The following LIMCH1 variants were observed in gnomAD, a reference collection of about 807,000 sequenced individuals.
LIMCH1 encodes LIM and calponin homology domains 1.
LIMCH1 carries 113 observed loss-of-function variants against 176.5 expected under a neutral mutation model. The ratio of observed to expected loss-of-function variants is 0.64; its 90% CI spans 0.55 to 0.75. The LOEUF (loss-of-function observed/expected upper bound fraction) is 0.75, where lower values mean the gene tolerates loss of function less well. Among genes scored for constraint, LIMCH1 ranks in the 30% least tolerant of loss-of-function variants. The probability of loss-of-function intolerance (pLI) is 0.00; values close to 1 mark genes in which losing one functional copy is unlikely to be tolerated. For missense variants in LIMCH1, 1,674 were observed against 1,814.9 expected, an observed-to-expected ratio of 0.92 and a Z score of 1.41; for synonymous variants, 619 against 645.9, an observed-to-expected ratio of 0.96 and a Z score of 0.63.
intron 1 of LIMCH1, among the ~76,000 whole-genome samples, chr4:41,370,425 A>G (rs1444350055): frequency 1.3e-5 from 2 of 152,192 alleles, no homozygotes; most frequent in African/African-American, 2.4e-5. Flanking sequence ...GCTGGTATCC[A>G]TGGTATCAAT....
intron 1 of LIMCH1, among the ~76,000 whole-genome samples, chr4:41,492,488 C>G (rs960625981): frequency 6.6e-6 from 1 of 152,156 alleles, no homozygotes; most frequent in Non-Finnish European, 1.5e-5. Flanking sequence ...TTTTGGCTCC[C>G]ATGAATTCTT....
rs150032483 is a variant in LIMCH1, at chr4:41,624,435, G to GC, written c.726-2272dup. Among the ~76,000 whole-genome samples the GC allele has an allele frequency of 1.1e-3, 171 of 152,172 alleles. No homozygotes were observed. The East Asian group carries it at 0.03, about 27-fold the overall frequency. ...CCTTACCAAACGCCGGTTCACCGTG[G>GC]CTGCTGAACAGATCCTTGGGTATCG... On this transcript the variant is annotated intron_variant, in intron 7 of 31. Transcript: ENST00000503057.
At chr4:41,370,523 A>T (rs1243641513) in intron 1 of LIMCH1, among the ~76,000 whole-genome samples, 1 of 150,684 alleles carries the variant, frequency 6.6e-6, no homozygotes, top group Non-Finnish European at 1.5e-5. Context: ...ATGGAAAATT[A>T]AAAAAAAAGT....
intron 2 of LIMCH1, among the ~76,000 whole-genome samples, chr4:41,502,935 A>ACACACACACACACG (rs1202252006): frequency 1.8e-3 from 271 of 151,854 alleles, no homozygotes; most frequent in African/African-American, 6.2e-3. Flanking sequence ...ACACACACAC[A>ACACACACACACACG]CACCCCAGGT....
In LIMCH1 at chr4:41,613,562, C is replaced by G. The variant is rs141374102; in HGVS notation, c.106C>G (p.Arg36Gly). The change falls in exon 5 of 32, where the codon CGC becomes GGC. Residue 36 changes from arginine (R) to glycine (G), a missense_variant. By Grantham distance (125) the Arg-to-Gly change is moderately radical. Transcript: ENST00000503057. ...GCGCAGCGACTCCCTCTCTCCTCCT[C>G]GCCACGGCAGAGATGATTCCTTCGA... ...SERSDSLSPP[R>G]HGRDDSFDSL... is the part of the protein sequence containing the mutation. 1.2e-6 allele frequency: 2 copies of G among 1,614,136 alleles called. No individual in the cohort carries two copies. Among genetic ancestry groups the G allele is most frequent in the South Asian group, 1.1e-5 (1 of 91,064 alleles).
intron 1 of LIMCH1, among the ~76,000 whole-genome samples, chr4:41,486,973 TACATAC>T (rs2069691173): frequency 1.0e-4 from 9 of 86,814 alleles, no homozygotes; most frequent in Non-Finnish European, 1.6e-4. Flanking sequence ...CACACACACA[TACATAC>T]ACACACACAC....
intron 13 of LIMCH1, among the ~76,000 whole-genome samples, chr4:41,635,040 A>G (rs1264441111): frequency 1.3e-5 from 2 of 152,202 alleles, no homozygotes; most frequent in African/African-American, 2.4e-5. Flanking sequence ...TTTATTCCTT[A>G]CACTACCTTT....
rs373388442 is a variant in LIMCH1, at chr4:41,524,010, G to T, written c.168-399G>T. 9.2e-5 allele frequency among the ~76,000 whole-genome samples: 14 copies of T among 152,282 alleles called. No individual in the cohort carries two copies. The East Asian group carries it at 2.7e-3, about 29-fold the overall frequency. ...TTTGTAAAGATAGAAACTGGTCTTT[G>T]AATTTAGTGCATCCCTGGAGAGATC... On this transcript the variant is annotated intron_variant, in intron 2 of 26. Transcript: ENST00000313860.
intron 1 of LIMCH1, among the ~76,000 whole-genome samples, chr4:41,541,214 C>G (rs377507539): frequency 6.6e-6 from 1 of 152,096 alleles, no homozygotes; most frequent in Non-Finnish European, 1.5e-5. Flanking sequence ...ATGAAGGAAC[C>G]AAAGCAGTTG....
At chr4:41,438,979 T>C (rs1448643368) in intron 1 of LIMCH1, among the ~76,000 whole-genome samples, 2 of 152,108 alleles carry the variant, frequency 1.3e-5, no homozygotes, top group East Asian at 3.9e-4. Context: ...ATAATGCTGC[T>C]TTGGTTTAAG....
At chr4:41,651,152 A>T (rs2094281779) in intron 18 of LIMCH1, among the ~76,000 whole-genome samples, 1 of 152,114 alleles carries the variant, frequency 6.6e-6, no homozygotes, top group African/African-American at 2.4e-5. Flanking sequence ...GACTACAGGC[A>T]TGCACAAGTG....
At chr4:41,528,091 G>T (rs1223965074) in intron 3 of LIMCH1, among the ~76,000 whole-genome samples, 1 of 151,852 alleles carries the variant, frequency 6.6e-6, no homozygotes, top group Non-Finnish European at 1.5e-5. Flanking sequence ...ATCTTAGATG[G>T]CAAATATATA....
intron 1 of LIMCH1, among the ~76,000 whole-genome samples, chr4:41,465,018 A>G (rs2065918199): frequency 6.6e-6 from 1 of 152,032 alleles, no homozygotes; most frequent in African/African-American, 2.4e-5. Context: ...TTTCCTGCCT[A>G]CCTTTTTTGG....
chr4:41,612,669 G>T (rs1017328367), intron 4 of LIMCH1: 7 of 702,056 alleles, frequency 1.0e-5, no homozygotes, highest in African/African-American at 3.5e-5. Context: ...TGCTGCTTGT[G>T]CTGGAAAGAA....
At chr4:41,549,392 G>A (rs540926522) in intron 1 of LIMCH1, among the ~76,000 whole-genome samples, 3 of 152,284 alleles carry the variant, frequency 2.0e-5, no homozygotes, top group South Asian at 2.1e-4. Flanking sequence ...TGTGAAGTCC[G>A]TGCTCATGGG....
chr4:41,644,036 C>T (rs1276351237), intron 14 of LIMCH1, among the ~76,000 whole-genome samples: 2 of 152,180 alleles, frequency 1.3e-5, no homozygotes, highest in African/African-American at 4.8e-5. Context: ...AGCCAGCTTT[C>T]TACACAAAGA....
intron 1 of LIMCH1, among the ~76,000 whole-genome samples, chr4:41,574,814 T>G (rs1006939991): frequency 2.0e-4 from 30 of 152,304 alleles, no homozygotes; most frequent in Middle Eastern, 3.4e-3. Context: ...GGGGGTAGGT[T>G]TAAATCCCAT....
chr4:41,653,332 C>G (rs2094364210), intron 18 of LIMCH1, among the ~76,000 whole-genome samples: 1 of 113,352 alleles, frequency 8.8e-6, no homozygotes, highest in Non-Finnish European at 1.9e-5. Flanking sequence ...CGGTATACTC[C>G]TGTTAAAAAA....
At chr4:41,491,696 G>A (rs1204846306) in intron 1 of LIMCH1, among the ~76,000 whole-genome samples, 1 of 143,282 alleles carries the variant, frequency 7.0e-6, no homozygotes. Flanking sequence ...ATGGGGTGGC[G>A]ATTGGGCAGA....
Sources: allele counts gnomAD v4.1 joint callset (sites outside exome capture counted in the v4.1 genomes callset), GRCh38; gene constraint gnomAD v4.1.1; transcripts MANE v1.5; gene names NCBI Gene and HGNC (gene_info 2026-07-23, HGNC 2026-07-21).